The following CCDC32 variants were observed in gnomAD, a reference collection of about 807,000 sequenced individuals.
CCDC32 encodes coiled-coil domain-containing protein 32.
A neutral mutation model predicts 20.1 loss-of-function variants in CCDC32; 9 were observed. The ratio of observed to expected loss-of-function variants is 0.45; its 90% CI spans 0.27 to 0.78. CCDC32 has a LOEUF of 0.78. Among genes scored for constraint, CCDC32 ranks in the 30% least tolerant of loss-of-function variants. The pLI is 0.16. For missense variants in CCDC32, 204 were observed against 215.5 expected (o/e 0.95, Z 0.33); for synonymous variants, 63 against 79.0 (o/e 0.80, Z 1.07).
At chr15:40,539,944 C>CT (rs1183610177) in intron 3 of CCDC32, among the ~76,000 whole-genome samples, 1 of 152,012 alleles carries the variant, frequency 6.6e-6, no homozygotes, top group South Asian at 2.1e-4. Context: ...CTCAGCCTCA[C>CT]TTCGCCCAGG....
chr15:40,548,347 C>G (rs1316851165), downstream of CCDC32, among the ~76,000 whole-genome samples: 1 of 152,204 alleles, frequency 6.6e-6, no homozygotes, highest in African/African-American at 2.4e-5. Context: ...CCTCTCCCTA[C>G]TGTAGCCAGC....
downstream of CCDC32, among the ~76,000 whole-genome samples, chr15:40,548,249 C>G (rs1889702561): frequency 6.6e-6 from 1 of 152,164 alleles, no homozygotes; most frequent in African/African-American, 2.4e-5. Context: ...ATTCTACATC[C>G]TAAGTGGAAA....
At chr15:40,525,595 T>G (rs1447652107), downstream of CCDC32, among the ~76,000 whole-genome samples, 2 of 152,242 alleles carry the variant, frequency 1.3e-5, no homozygotes, top group African/African-American at 4.8e-5. Flanking sequence ...CCAGTCCTTC[T>G]CAGGCCACTG....
downstream of CCDC32, chr15:40,532,407 T>C: frequency 1.5e-6 from 1 of 668,592 alleles, no homozygotes; most frequent in Middle Eastern, 2.4e-4. Context: ...GTCTTACTGC[T>C]GCTACTGCCA....
chr15:40,528,775 C>T (rs1894931951), exon 4 of CCDC32: 1 of 699,104 alleles, frequency 1.4e-6, no homozygotes. Context: ...TAGCACAGAT[C>T]CCATTTCTCA....
At chr15:40,557,187 C>A in intron 3 of CCDC32, 29 bp downstream of exon 3, 1 of 1,583,640 alleles carries the variant, frequency 6.3e-7, no homozygotes. Context: ...AGGATGATTT[C>A]AGCTGGAACT....
chr15:40,534,718 T>C, downstream of CCDC32: 1 of 593,962 alleles, frequency 1.7e-6, no homozygotes, highest in Non-Finnish European at 3.0e-6. Flanking sequence ...TAGCTAGGTC[T>C]CTGGCCCCTT....
chr15:40,533,845 G>A (rs1888993425), downstream of CCDC32, among the ~76,000 whole-genome samples: 2 of 152,020 alleles, frequency 1.3e-5, no homozygotes, highest in South Asian at 4.2e-4. Flanking sequence ...TTTGAGCAAA[G>A]ACTTGGAGGA....
downstream of CCDC32, among the ~76,000 whole-genome samples, chr15:40,551,201 T>C (rs1192422193): frequency 2.0e-5 from 3 of 152,010 alleles, no homozygotes; most frequent in Non-Finnish European, 4.4e-5. Flanking sequence ...GCTAACACGG[T>C]GAAACCCCGT....
chr15:40,524,409 G>C (rs1172576492), downstream of CCDC32, among the ~76,000 whole-genome samples: 2 of 151,662 alleles, frequency 1.3e-5, no homozygotes, highest in Non-Finnish European at 2.9e-5. Context: ...GCCCACCTCG[G>C]CCTCCCCAAA....
downstream of CCDC32, among the ~76,000 whole-genome samples, chr15:40,524,146 CTTTTTTTTTTTTT>C (rs66753325): frequency 9.0e-5 from 8 of 89,176 alleles, 1 homozygote; most frequent in Admixed American, 1.5e-4. Context: ...CATGCATAAT[CTTTTTTTTTTTTT>C]TTTTTTTTTT....
chr15:40,539,226 C>T (rs1374711154), downstream of CCDC32: 16 of 1,534,074 alleles, frequency 1.0e-5, no homozygotes, highest in African/African-American at 2.7e-5. Context: ...GCCTGGCCCG[C>T]CCTGGCTGTT....
chr15:40,557,538 T>C (rs1890331457), intron 2 of CCDC32, 166 bp from the exon 3 acceptor site: 2 of 614,800 alleles, frequency 3.3e-6, no homozygotes, highest in Admixed American at 7.3e-5. Flanking sequence ...AATTGAACAT[T>C]CTTCCTTTTT....
intron 3 of CCDC32, among the ~76,000 whole-genome samples, chr15:40,541,863 G>A (rs188603659): frequency 6.6e-6 from 1 of 152,222 alleles, no homozygotes; most frequent in African/African-American, 2.4e-5. Context: ...TGTCCCTCAG[G>A]GTTGAGCTAA....
downstream of CCDC32, chr15:40,539,014 G>A: frequency 1.8e-6 from 1 of 548,604 alleles, no homozygotes; most frequent in Non-Finnish European, 3.3e-6. Flanking sequence ...GGGTTCTCTA[G>A]CTGGCTCTGA....
intron 3 of CCDC32, chr15:40,529,630 T>C (rs1028869363): frequency 6.6e-6 from 1 of 151,178 alleles, no homozygotes; most frequent in Non-Finnish European, 1.5e-5. Context: ...GCATGGCCCC[T>C]GCGCAAGGAT....
Position 40,565,017 on chromosome 15 carries a change from C to G in CCDC32, c.-54G>C. On this transcript the variant is annotated 5_prime_UTR_variant, in exon 1 of 4. Transcript: ENST00000416810. ...TAAACGCTTGGCTCAGCTCTGTCGC[C>G]TGTAGCCCGGAGGAAATCGGGAGGG... 2 of 567,568 alleles carry G rather than the reference C, an allele frequency of 3.5e-6. No individual in the cohort carries two copies. The highest frequency in any genetic ancestry group is 4.7e-5 in the South Asian group (2 of 42,196). 35.2% of individuals were successfully genotyped at this position (567,568 alleles called of 1,614,324 possible). A position where few individuals can be genotyped will look rare whatever the true frequency, so the allele number is the denominator to read the frequency against.
downstream of CCDC32, chr15:40,536,373 C>A (rs1889110084): frequency 6.6e-6 from 1 of 152,318 alleles, no homozygotes; most frequent in Admixed American, 6.5e-5. Flanking sequence ...TGCTCTCAGG[C>A]TCTCCAGTGC....
intron 1 of CCDC32, among the ~76,000 whole-genome samples, chr15:40,563,676 TAACAC>T (rs398118779): frequency 8.2e-5 from 5 of 61,296 alleles, no homozygotes; most frequent in African/African-American, 2.3e-4. Flanking sequence ...ACATATATTT[TAACAC>T]ACACACACAC....
Sources: gnomAD v4.1 joint callset for allele counts (sites outside exome capture counted in the v4.1 genomes callset) on GRCh38, gnomAD v4.1.1 for gene constraint, MANE v1.5 for transcripts, NCBI Gene and HGNC (gene_info 2026-07-23, HGNC 2026-07-21) for gene names.